The following ZNF292 variants were observed in gnomAD, a reference collection of about 807,000 sequenced individuals.
ZNF292 encodes zinc finger protein 292, also known as 16 zinc-finger domain protein.
Under a neutral mutation model 217.9 loss-of-function variants are expected in ZNF292, and 26 were observed. The observed-to-expected ratio is 0.12, with a 90% CI of 0.09 to 0.17. ZNF292 has a LOEUF of 0.17. ZNF292 is among the 10% of genes least tolerant of loss of function. The pLI, the probability that ZNF292 is intolerant of heterozygous loss-of-function variation, is 1.00. For synonymous variants in ZNF292, 1,257 were observed against 1,124.1 expected (o/e 1.12, Z -2.37); for missense variants, 2,904 against 3,175.2 (o/e 0.91, Z 2.05).
intron 1 of ZNF292, among the ~76,000 whole-genome samples, chr6:87,180,822 T>C (rs555850927): frequency 6.6e-6 from 1 of 152,330 alleles, no homozygotes; most frequent in South Asian, 2.1e-4. Flanking sequence ...CCTTGAGTAC[T>C]TGAGTATTCT....
At position 87,262,145 on chromosome 6, in the gene ZNF292, G is replaced by A. The variant is rs1775640955; in HGVS notation, c.*344G>A. The A allele has an allele frequency of 6.2e-6, 1 of 160,610 alleles. No individual in the cohort carries two copies. Among genetic ancestry groups the A allele is most frequent in the South Asian group, 2.0e-4 (1 of 4,992 alleles). 9.9% of individuals were successfully genotyped at this position (160,610 alleles called of 1,614,324 possible). ...TGTATAACAGTACTCTTTATTTGTA[G>A]ATACCTTTTTTGTATATATTTATTA... is the stretch of plus-strand genomic sequence containing the variant. On this transcript the variant is annotated 3_prime_UTR_variant, in exon 8 of 8. Coordinates refer to ENST00000369577, the MANE Select transcript of ZNF292 (RefSeq NM_015021.3).
intron 5 of ZNF292, among the ~76,000 whole-genome samples, chr6:87,239,208 C>A (rs796395621): frequency 1.1e-5 from 1 of 90,612 alleles, no homozygotes; most frequent in Non-Finnish European, 2.5e-5. Context: ...ACCTCCCAGA[C>A]GGGGTGGCGG....
At position 87,160,513 on chromosome 6, in the gene ZNF292, G is replaced by A. The variant is rs989282; in HGVS notation, c.168+4754G>A. 3.4e-3 allele frequency among the ~76,000 whole-genome samples: 509 copies of A among 148,674 alleles called. 3 individuals are homozygous for A. The highest frequency in any genetic ancestry group is 9.8e-3 in the South Asian group (46 of 4,696). ...TATATGTGTGTGTGTGTGTGTGTGT[G>A]TATATATATGCAAGGACCTAGGTTT... On this transcript the variant is annotated intron_variant, in intron 1 of 7. Transcript: ENST00000369577.
At chr6:87,242,879 C>G (rs1774370261) in intron 5 of ZNF292, among the ~76,000 whole-genome samples, 1 of 152,084 alleles carries the variant, frequency 6.6e-6, no homozygotes. Context: ...TGACTGTTGG[C>G]AAGCTTTGAG....
Position 87,259,286 on chromosome 6 carries a change from T to C in ZNF292, c.5657T>C (p.Val1886Ala). 6.2e-7 allele frequency: 1 copy of C among 1,613,652 alleles called. No individual in the cohort carries two copies. The highest frequency in any genetic ancestry group is 8.5e-7 in the Non-Finnish European group (1 of 1,179,684). The change falls in exon 8 of 8, where the codon GTT becomes GCT. Residue 1886 changes from valine (V) to alanine (A), a missense_variant. Coordinates refer to ENST00000369577, the MANE Select transcript of ZNF292 (RefSeq NM_015021.3). The part of the protein sequence containing the change: ...STADITVIQP[V>A]SEMINIQFND... ...GCAGATATCACAGTTATTCAGCCAGTTTCTGAAATGATAAACATTCAATTT... is the reference window on the plus strand; with the variant it reads ...GCAGATATCACAGTTATTCAGCCAGCTTCTGAAATGATAAACATTCAATTT...
At chr6:87,241,626 G>C (rs1188501971) in intron 5 of ZNF292, among the ~76,000 whole-genome samples, 3 of 152,198 alleles carry the variant, frequency 2.0e-5, no homozygotes, top group African/African-American at 7.2e-5. Flanking sequence ...CACCATGTTG[G>C]CCAGGCTGGT....
intron 1 of ZNF292, among the ~76,000 whole-genome samples, chr6:87,178,906 C>T (rs1164542272): frequency 6.6e-6 from 1 of 152,022 alleles, no homozygotes; most frequent in Non-Finnish European, 1.5e-5. Context: ...GCATTTTACC[C>T]TTGTGGAGGC....
intron 1 of ZNF292, among the ~76,000 whole-genome samples, chr6:87,182,195 A>G (rs951143527): frequency 6.6e-6 from 1 of 152,234 alleles, no homozygotes; most frequent in African/African-American, 2.4e-5. Flanking sequence ...GAATATTACT[A>G]TGCAGGAGTA....
intron 6 of ZNF292, 72 bp from the exon 7 acceptor site, chr6:87,245,431 A>C: frequency 8.8e-7 from 1 of 1,141,320 alleles, no homozygotes; most frequent in Non-Finnish European, 1.2e-6. Context: ...TTCAAATGTA[A>C]TGACTGGACT....
At chr6:87,236,931 C>T (rs1473621457) in intron 5 of ZNF292, among the ~76,000 whole-genome samples, 1 of 152,154 alleles carries the variant, frequency 6.6e-6, no homozygotes, top group Admixed American at 6.5e-5. Flanking sequence ...CTTTTACATA[C>T]ATCCGTGTAT....
In ZNF292 at chr6:87,261,678, G is replaced by A. The variant is rs763064194; in HGVS notation, c.8049G>A (p.Lys2683=). The change falls in exon 8 of 8, where the codon AAG becomes AAA. Residue 2683 remains lysine (K), a synonymous_variant. Coordinates refer to ENST00000369577, the MANE Select transcript of ZNF292 (RefSeq NM_015021.3). ...AAGATTGCACTGAGCTTGTCTTAAAGCAACTTCAGGAAATGAAACCTACCG... is the reference window on the plus strand; with the variant it reads ...AAGATTGCACTGAGCTTGTCTTAAAACAACTTCAGGAAATGAAACCTACCG... ...NLKDCTELVL[K]QLQEMKPTVS... 15 of 1,612,800 alleles carry A rather than the reference G, an allele frequency of 9.3e-6. No homozygotes were observed. The South Asian group carries it at 1.5e-4, about 17-fold the overall frequency.
chr6:87,239,044 A>G (rs1284154072), intron 5 of ZNF292, among the ~76,000 whole-genome samples: 1 of 152,260 alleles, frequency 6.6e-6, no homozygotes, highest in African/African-American at 2.4e-5. Flanking sequence ...AATTTTTCTT[A>G]GTACGGAACA....
rs113824264 is a variant in ZNF292, at chr6:87,227,982, T to C, written c.539-5343T>C. Among the ~76,000 whole-genome samples the C allele has an allele frequency of 6.5e-3, 990 of 152,282 alleles. 16 individuals are homozygous for C. Among genetic ancestry groups the C allele is most frequent in the African/African-American group, 0.023 (951 of 41,542 alleles). ...CCAGAAGTGGGATAGCTGGATCGTA[T>C]GGTAGCTGTATTTTTAATTTTTTGA... On this transcript the variant is annotated intron_variant, in intron 4 of 7. Transcript: ENST00000369577.
intron 1 of ZNF292, among the ~76,000 whole-genome samples, chr6:87,199,572 G>A (rs1230713685): frequency 6.6e-6 from 1 of 152,064 alleles, no homozygotes; most frequent in South Asian, 2.1e-4. Flanking sequence ...AGTTTTATAG[G>A]TTTAGTTCTT....
chr6:87,253,220 C>CTTTTTTTTTTT (rs66511840), intron 7 of ZNF292, among the ~76,000 whole-genome samples: 1 of 119,010 alleles, frequency 8.4e-6, no homozygotes, highest in Non-Finnish European at 1.7e-5. Flanking sequence ...CATGCCCAGC[C>CTTTTTTTTTTT]TTTTTTTTTT....
intron 4 of ZNF292, among the ~76,000 whole-genome samples, chr6:87,227,307 A>G (rs7774603): frequency 0.54 from 81,304 of 151,874 alleles, 22,197 homozygotes; most frequent in Admixed American, 0.62. Flanking sequence ...ACCTCATACC[A>G]ATTAAATTAG....
chr6:87,234,640 CTT>C (rs746125863), intron 5 of ZNF292, among the ~76,000 whole-genome samples: 1 of 151,856 alleles, frequency 6.6e-6, no homozygotes, highest in Non-Finnish European at 1.5e-5. Flanking sequence ...GTACGGGTGT[CTT>C]ATATCTGTAA....
intron 1 of ZNF292, among the ~76,000 whole-genome samples, chr6:87,205,425 A>C (rs560185727): frequency 6.6e-6 from 1 of 151,818 alleles, no homozygotes; most frequent in East Asian, 1.9e-4. Context: ...TTTTTTTCTT[A>C]ACCTGGATTT....
At chr6:87,240,365 G>T (rs1016060614) in intron 5 of ZNF292, among the ~76,000 whole-genome samples, 6 of 146,082 alleles carry the variant, frequency 4.1e-5, no homozygotes, top group Admixed American at 3.4e-4. Context: ...AGGGAGACCC[G>T]TGGCGGTGGG....
Sources: allele counts gnomAD v4.1 joint callset (sites outside exome capture counted in the v4.1 genomes callset), GRCh38; gene constraint gnomAD v4.1.1; transcripts MANE v1.5; gene names NCBI Gene and HGNC (gene_info 2026-07-23, HGNC 2026-07-21).